Variants in NOX4 observed in about 807,000 individuals in gnomAD.
The protein encoded by NOX4 is kidney oxidase-1.
NOX4 carries 69 observed loss-of-function variants against 87.6 expected under a neutral mutation model. That is an observed-to-expected ratio of 0.79 (90% CI 0.65 to 0.96). NOX4 has a LOEUF of 0.96. Among genes scored for constraint, NOX4 ranks in the 40% least tolerant of loss-of-function variants. The pLI, the probability that NOX4 is intolerant of heterozygous loss-of-function variation, is 0.00. For missense variants in NOX4, 680 were observed against 681.5 expected, an observed-to-expected ratio of 1.00 and a Z score of 0.02; for synonymous variants, 275 against 238.2, an observed-to-expected ratio of 1.15 and a Z score of -1.42.
intron 17 of NOX4, among the ~76,000 whole-genome samples, chr11:89,328,561 A>G (rs1945313110): frequency 1.3e-5 from 2 of 152,142 alleles, no homozygotes; most frequent in African/African-American, 4.8e-5. Context: ...ATAAATCAAA[A>G]TTTGGCAACT....
At chr11:89,402,620 T>A in intron 8 of NOX4, 78 bp from the exon 9 acceptor site, 3 of 1,026,490 alleles carry the variant, frequency 2.9e-6, no homozygotes, top group Non-Finnish European at 4.4e-6. Flanking sequence ...GAAAATAATG[T>A]TTTTGTTTTT....
the NOX4 span, among the ~76,000 whole-genome samples, chr11:89,528,433 G>A: frequency 3.9e-5 from 6 of 152,084 alleles, no homozygotes; most frequent in Non-Finnish European, 8.8e-5. Context: ...AGAATAATAT[G>A]GTTCAGATTT....
chr11:89,545,036 T>C, the NOX4 span: 1 of 152,122 alleles, frequency 6.6e-6, no homozygotes, highest in Non-Finnish European at 1.5e-5. Flanking sequence ...ACTTTTATAT[T>C]TAGATTAGCT....
chr11:89,438,253 T>C (rs1228519576), intron 6 of NOX4, among the ~76,000 whole-genome samples: 2 of 138,280 alleles, frequency 1.4e-5, no homozygotes, highest in Non-Finnish European at 3.0e-5. Context: ...TAATATATTA[T>C]TATTATATAT....
intron 2 of NOX4, among the ~76,000 whole-genome samples, chr11:89,473,281 C>T (rs934394433): frequency 6.6e-6 from 1 of 152,142 alleles, no homozygotes; most frequent in East Asian, 1.9e-4. Flanking sequence ...GTGTCTCCTA[C>T]ATCATGGGTT....
At chr11:89,363,755 C>G (rs1455698368) in intron 12 of NOX4, among the ~76,000 whole-genome samples, 1 of 152,020 alleles carries the variant, frequency 6.6e-6, no homozygotes, top group Non-Finnish European at 1.5e-5. Flanking sequence ...ATACATCTCC[C>G]TACTGAAAAG....
chr11:89,515,159 T>C, the NOX4 span, among the ~76,000 whole-genome samples: 1 of 152,046 alleles, frequency 6.6e-6, no homozygotes, highest in South Asian at 2.1e-4. Context: ...ATTTGGTTCA[T>C]AAAAATTTAC....
intron 2 of NOX4, among the ~76,000 whole-genome samples, chr11:89,467,549 G>C (rs1433071193): frequency 6.6e-6 from 1 of 152,016 alleles, no homozygotes; most frequent in Non-Finnish European, 1.5e-5. Flanking sequence ...TGTCTGGTTA[G>C]GGCCCACTTC....
At chr11:89,521,498 G>A in the NOX4 span, among the ~76,000 whole-genome samples, 2 of 151,856 alleles carry the variant, frequency 1.3e-5, no homozygotes, top group Admixed American at 6.6e-5. Context: ...AATGAAACCG[G>A]GTCCCCACAT....
At chr11:89,434,013 TAAATC>T (rs998165563) in intron 6 of NOX4, among the ~76,000 whole-genome samples, 8 of 152,066 alleles carry the variant, frequency 5.3e-5, no homozygotes. Context: ...GAGATAATCT[TAAATC>T]AGACTACAAA....
At chr11:89,587,164 A>T in the NOX4 span, among the ~76,000 whole-genome samples, 2 of 152,092 alleles carry the variant, frequency 1.3e-5, no homozygotes, top group Non-Finnish European at 2.9e-5. Flanking sequence ...AGAAAGAATG[A>T]ATTCAAGACA....
chr11:89,580,637 G>A, the NOX4 span, among the ~76,000 whole-genome samples: 1 of 152,028 alleles, frequency 6.6e-6, no homozygotes, highest in African/African-American at 2.4e-5. Context: ...TTGGGAATAT[G>A]GAGGCTCACT....
intron 6 of NOX4, among the ~76,000 whole-genome samples, chr11:89,438,778 TA>T (rs1384086283): frequency 3.6e-5 from 1 of 27,668 alleles, no homozygotes. Context: ...TATAATAATA[TA>T]ATAATATATA....
intron 2 of NOX4, among the ~76,000 whole-genome samples, chr11:89,459,715 G>A (rs368635459): frequency 0.022 from 3,298 of 152,126 alleles, 114 homozygotes; most frequent in African/African-American, 0.07. Context: ...AATCAATATC[G>A]TGAAAATGGC....
chr11:89,563,519 T>C, the NOX4 span, among the ~76,000 whole-genome samples: 2 of 152,174 alleles, frequency 1.3e-5, no homozygotes, highest in African/African-American at 2.4e-5. Context: ...CTGCTATATA[T>C]TTTTGCCTTT....
rs574973862 is a variant in NOX4 at position 89,480,346 on chromosome 11, T to C, written c.153+10112A>G. 2.0e-5 allele frequency among the ~76,000 whole-genome samples: 3 copies of C among 152,226 alleles called. No homozygotes were observed. The East Asian group carries it at 5.8e-4, about 29-fold the overall frequency. On this transcript the variant is annotated intron_variant, in intron 2 of 17. Coordinates refer to ENST00000263317, the MANE Select transcript of NOX4 (RefSeq NM_016931.5). ...GCACCATGACTGGAGCCTTAAAAGC[T>C]TTGTGAAATGATAGGAGACAAAAAC...
chr11:89,516,481 C>A, the NOX4 span, among the ~76,000 whole-genome samples: 5 of 151,792 alleles, frequency 3.3e-5, no homozygotes, highest in African/African-American at 1.2e-4. Context: ...CAATCTCAGG[C>A]TTTTTTTTAA....
At chr11:89,491,921 G>GC (rs367770303), upstream of NOX4, among the ~76,000 whole-genome samples, 1 of 151,730 alleles carries the variant, frequency 6.6e-6, no homozygotes, top group African/African-American at 2.4e-5. Context: ...CCAAACTAAA[G>GC]CCCCCCTGAC....
chr11:89,365,753 C>CAAAAAAAAAA lies in NOX4; in HGVS notation c.1135+7669_1135+7678dup, dbSNP rs1213376592. On this transcript the variant is annotated intron_variant, in intron 12 of 17. Coordinates refer to ENST00000263317, the MANE Select transcript of NOX4 (RefSeq NM_016931.5). ...TTATCCAAGACCAAGACCACGCCCA[C>CAAAAAAAAAA]AAAAAAAAAAAAAAAAAAAAAAACA... is the stretch of plus-strand genomic sequence containing the variant. Among the ~76,000 whole-genome samples, 52 of 56,634 alleles carry CAAAAAAAAAA rather than the reference C, an allele frequency of 9.2e-4. 4 individuals carry two copies. The highest frequency in any genetic ancestry group is 3.1e-3 in the African/African-American group (46 of 14,840). The allele number at this position is 56,634 out of a possible 152,430, so 37.2% of individuals were successfully genotyped here.
Sources: gnomAD v4.1 joint callset for allele counts (sites outside exome capture counted in the v4.1 genomes callset) on GRCh38, gnomAD v4.1.1 for gene constraint, MANE v1.5 for transcripts, NCBI Gene and HGNC (gene_info 2026-07-23, HGNC 2026-07-21) for gene names.